GRIA3: variants seen among roughly 807,000 people sequenced by gnomAD.
The protein encoded by GRIA3 is glutamate receptor 3.
In GRIA3, 3 loss-of-function variants were observed where a neutral mutation model predicts 63.0. That is an observed-to-expected ratio of 0.05 (90% CI 0.02 to 0.12). GRIA3 has a LOEUF of 0.12. Ranked by LOEUF, GRIA3 falls within the 10% of genes least tolerant of loss-of-function variation. The pLI is 1.00. For missense variants in GRIA3, 347 were observed against 700.9 expected (o/e 0.50, Z 5.70); for synonymous variants, 274 against 257.9 (o/e 1.06, Z -0.60).
chrX:123,423,572 A>C (rs1189808881), intron 11 of GRIA3, among the ~76,000 whole-genome samples: 2 of 112,063 alleles, frequency 1.8e-5, no homozygotes, highest in African/African-American at 6.5e-5. Context: ...GGACATGGTT[A>C]CTTATTCCCA....
At chrX:123,242,009 A>G (rs920301613) in intron 2 of GRIA3, among the ~76,000 whole-genome samples, 1 of 111,210 alleles carries the variant, frequency 9.0e-6, no homozygotes, top group African/African-American at 3.3e-5. Context: ...CCACCTGCCA[A>G]TTAAGCTATA....
chrX:123,319,607 G>C (rs753284194), intron 3 of GRIA3, among the ~76,000 whole-genome samples: 1 of 111,423 alleles, frequency 9.0e-6, no homozygotes, highest in Non-Finnish European at 1.9e-5. Context: ...AAAGTGCTTT[G>C]AGTACATCTG....
chrX:123,490,575 C>T lies in GRIA3; in HGVS notation c.*1865C>T, dbSNP rs1434370538. ...AAAATGTATGTTTATTAACTCAAATCAGTTTTTCAGAGAGGAAACGTCACT... is the reference window on the plus strand; with the variant it reads ...AAAATGTATGTTTATTAACTCAAATTAGTTTTTCAGAGAGGAAACGTCACT... On this transcript the variant is annotated 3_prime_UTR_variant, in exon 16 of 16. Transcript: ENST00000620443. The T allele has an allele frequency of 8.9e-6, 1 of 112,141 alleles. No individual in the cohort carries two copies. The allele number at this position is 112,141 out of a possible 1,213,427, so 9.2% of individuals were successfully genotyped here.
intron 13 of GRIA3, among the ~76,000 whole-genome samples, chrX:123,474,955 T>G (rs1014014562): frequency 1.8e-5 from 2 of 111,408 alleles, no homozygotes; most frequent in African/African-American, 6.5e-5. Context: ...AAGCAGAAAT[T>G]TTTATAATCC....
chrX:123,276,517 C>G (rs1312937881), intron 3 of GRIA3, among the ~76,000 whole-genome samples: 1 of 111,973 alleles, frequency 8.9e-6, no homozygotes, highest in Non-Finnish European at 1.9e-5. Flanking sequence ...CCAGCCAATG[C>G]ACTAAAACAA....
intron 4 of GRIA3, among the ~76,000 whole-genome samples, chrX:123,342,052 C>T (rs749572816): frequency 3.6e-5 from 4 of 110,775 alleles, no homozygotes; most frequent in African/African-American, 1.3e-4. Context: ...TGGTTAAAAG[C>T]ACTAAATTTT....
chrX:123,322,492 G>A (rs1442462994), intron 3 of GRIA3, among the ~76,000 whole-genome samples: 1 of 111,438 alleles, frequency 9.0e-6, no homozygotes, highest in African/African-American at 3.3e-5. Context: ...CAAAGCCAAG[G>A]GTTTGTTACG....
chrX:123,424,771 C>T (rs2045581587), intron 11 of GRIA3, among the ~76,000 whole-genome samples: 1 of 111,714 alleles, frequency 9.0e-6, no homozygotes, highest in African/African-American at 3.2e-5. Context: ...TGATCTGAGT[C>T]AGTACTAAAG....
chrX:123,433,850 A>G (rs2045631352), intron 12 of GRIA3, among the ~76,000 whole-genome samples: 1 of 111,788 alleles, frequency 8.9e-6, no homozygotes, highest in African/African-American at 3.3e-5. Flanking sequence ...TTACTCATGA[A>G]GAATGTTTTG....
chrX:123,374,803 G>A (rs1044498556), intron 5 of GRIA3, among the ~76,000 whole-genome samples: 1 of 111,961 alleles, frequency 8.9e-6, no homozygotes, highest in African/African-American at 3.2e-5. Flanking sequence ...TGCAAACAGG[G>A]ACAATCTGAC....
At chrX:123,322,002 C>T (rs1385719322) in intron 3 of GRIA3, among the ~76,000 whole-genome samples, 2 of 111,155 alleles carry the variant, frequency 1.8e-5, no homozygotes, top group Non-Finnish European at 3.8e-5. Context: ...ATGCAGGATA[C>T]CCCAGGAAAG....
chrX:123,353,048 C>CACACAA (rs1445019554), intron 4 of GRIA3, among the ~76,000 whole-genome samples: 6 of 108,854 alleles, frequency 5.5e-5, no homozygotes, highest in Non-Finnish European at 7.7e-5. Flanking sequence ...CACACACACA[C>CACACAA]ACACACAAAC....
intron 5 of GRIA3, among the ~76,000 whole-genome samples, chrX:123,393,228 AC>A: frequency 8.9e-6 from 1 of 112,594 alleles, no homozygotes; most frequent in South Asian, 3.7e-4. Context: ...AAGCTGTTTC[AC>A]TAAAATGTTT....
At chrX:123,435,090 G>A (rs1267764984) in intron 12 of GRIA3, among the ~76,000 whole-genome samples, 1 of 112,005 alleles carries the variant, frequency 8.9e-6, no homozygotes, top group Admixed American at 9.5e-5. Flanking sequence ...TTTGGAGACA[G>A]ATTAACTTAA....
intron 4 of GRIA3, among the ~76,000 whole-genome samples, chrX:123,335,323 C>T (rs1035551754): frequency 1.8e-5 from 2 of 111,569 alleles, no homozygotes; most frequent in Non-Finnish European, 3.8e-5. Context: ...TTGATCAAAG[C>T]TGTGCCACAT....
chrX:123,481,344 A>G (rs1284742728), intron 14 of GRIA3, among the ~76,000 whole-genome samples: 1 of 112,121 alleles, frequency 8.9e-6, no homozygotes, highest in African/African-American at 3.2e-5. Flanking sequence ...TTCATCCTAA[A>G]AGAGTGACTA....
At chrX:123,386,517 C>T (rs1460332861) in intron 5 of GRIA3, among the ~76,000 whole-genome samples, 6 of 111,251 alleles carry the variant, frequency 5.4e-5, no homozygotes, top group African/African-American at 1.6e-4. Context: ...AAGTCTTAGC[C>T]ATAAAATCTT....
At position 123,326,157 on chromosome X, in the gene GRIA3, G is replaced by A. The variant is rs1350221033; in HGVS notation, c.640G>A (p.Glu214Lys). The A allele has an allele frequency of 8.3e-7, 1 of 1,210,474 alleles. No individual in the cohort carries two copies. Among genetic ancestry groups the A allele is most frequent in the Non-Finnish European group, 1.1e-6 (1 of 894,459 alleles). ...CATTGAAGAAATGGACAGGAGGCAGGAAAAGCGATACTTGATTGACTGCGA... is the reference window on the plus strand; with the variant it reads ...CATTGAAGAAATGGACAGGAGGCAGAAAAAGCGATACTTGATTGACTGCGA... ...RIIEEMDRRQ[E>K]KRYLIDCEVE... Residue 214 changes from glutamate to lysine, a missense_variant, in exon 4 of 16, where the codon GAA becomes AAA. Coordinates refer to ENST00000620443, the MANE Select transcript of GRIA3 (RefSeq NM_007325.5).
chrX:123,247,270 T>G, intron 2 of GRIA3, among the ~76,000 whole-genome samples: 1 of 112,470 alleles, frequency 8.9e-6, no homozygotes, highest in African/African-American at 3.2e-5. Context: ...ATTCTGAACT[T>G]TGAAGTAATC....
Sources: gnomAD v4.1 joint callset for allele counts (sites outside exome capture counted in the v4.1 genomes callset) on GRCh38, gnomAD v4.1.1 for gene constraint, MANE v1.5 for transcripts, NCBI Gene and HGNC (gene_info 2026-07-23, HGNC 2026-07-21) for gene names.